LRPPRC: variants seen among roughly 807,000 people sequenced by gnomAD.
LRPPRC encodes leucine-rich PPR motif-containing protein, mitochondrial.
A neutral mutation model predicts 180.3 loss-of-function variants in LRPPRC; 120 were observed. The ratio of observed to expected loss-of-function variants is 0.67; its 90% confidence interval spans 0.57 to 0.77. The LOEUF (loss-of-function observed/expected upper bound fraction) is 0.77. LRPPRC is among the 30% of genes least tolerant of loss of function. The probability of loss-of-function intolerance (pLI) is 0.00; values close to 1 mark genes in which losing one functional copy is unlikely to be tolerated. For synonymous variants in LRPPRC, 723 were observed against 600.0 expected (o/e 1.21, Z -3.00); for missense variants, 2,012 against 1,657.2 (o/e 1.21, Z -3.72).
At chr2:43,911,313 T>C (rs1437040688) in intron 30 of LRPPRC, among the ~76,000 whole-genome samples, 1 of 151,916 alleles carries the variant, frequency 6.6e-6, no homozygotes, top group Admixed American at 6.6e-5. Flanking sequence ...AGTACAGTCA[T>C]ACAGAACATG....
intron 25 of LRPPRC, among the ~76,000 whole-genome samples, chr2:43,929,621 G>C (rs1464436420): frequency 6.6e-6 from 1 of 151,994 alleles, no homozygotes; most frequent in Non-Finnish European, 1.5e-5. Flanking sequence ...CTACATGTAA[G>C]TGGACCTACA....
In LRPPRC at chr2:43,950,582, A is replaced by G. The variant is rs1672860587; in HGVS notation, c.1668T>C (p.Leu556=). 6.2e-7 allele frequency: 1 copy of G among 1,613,648 alleles called. No individual in the cohort carries two copies. Among genetic ancestry groups the G allele is most frequent in the Admixed American group, 1.7e-5 (1 of 60,006 alleles). ...LGFRRSMNIN[L]WSEITELLYK... ...TATTAGAGGGACTTACCTCGCTCCA[A>G]AGATTTATATTCATAGACCTGCAGA... The change falls in exon 15 of 38, where the codon CTT becomes CTC. Residue 556 remains leucine, a synonymous_variant. Transcript: ENST00000260665.
intron 14 of LRPPRC, among the ~76,000 whole-genome samples, chr2:43,955,844 C>T (rs1470200043): frequency 6.6e-6 from 1 of 152,174 alleles, no homozygotes; most frequent in Non-Finnish European, 1.5e-5. Context: ...ACAGGGTAGA[C>T]ACAGTCTCAA....
intron 11 of LRPPRC, among the ~76,000 whole-genome samples, chr2:43,967,283 G>A (rs564525927): frequency 1.2e-4 from 18 of 151,530 alleles, no homozygotes; most frequent in African/African-American, 4.4e-4. Context: ...ATGAGCCTGT[G>A]GTCCCACTGA....
chr2:43,982,384 T>C lies in LRPPRC; in HGVS notation c.200A>G (p.Asp67Gly). 6.2e-7 allele frequency: 1 copy of C among 1,614,052 alleles called. No individual in the cohort carries two copies. The change falls in exon 2 of 38, where the codon GAT becomes GGT. Residue 67 changes from aspartate (D) to glycine (G), a missense_variant. Physicochemically the swap from Asp to Gly is moderately conservative, Grantham distance 94. Transcript: ENST00000260665. Reference protein sequence around the residue: ...RLYAIAAKEKDIQEESTFSSR... With the variant: ...RLYAIAAKEKGIQEESTFSSR... ...AGAAAAAGTGGACTCCTCTTGAATA[T>C]CTTTTTCTTTGGCAGCAATGGCATA...
intron 37 of LRPPRC, among the ~76,000 whole-genome samples, chr2:43,889,035 T>A (rs530205420): frequency 6.6e-6 from 1 of 152,134 alleles, no homozygotes; most frequent in African/African-American, 2.4e-5. Context: ...AAAGAAAACA[T>A]GCCGGGCACA....
chr2:43,951,019 G>A (rs1447335299), intron 14 of LRPPRC, among the ~76,000 whole-genome samples: 2 of 152,018 alleles, frequency 1.3e-5, no homozygotes, highest in East Asian at 3.8e-4. Flanking sequence ...GCAGTGAGCC[G>A]AGATCGTGCC....
At chr2:43,950,623 G>T in intron 14 of LRPPRC, 23 bp from the exon 15 acceptor site, 1 of 1,604,750 alleles carries the variant, frequency 6.2e-7, no homozygotes, top group Non-Finnish European at 8.5e-7. Flanking sequence ...GCAAAGGATC[G>T]AAAATAAACC....
intron 34 of LRPPRC, among the ~76,000 whole-genome samples, chr2:43,898,503 CG>C (rs1439706305): frequency 6.6e-6 from 1 of 152,212 alleles, no homozygotes; most frequent in Non-Finnish European, 1.5e-5. Flanking sequence ...AGGGGCTCCC[CG>C]GCGGTGCCTG....
At chr2:43,987,592 C>A (rs1674586036) in intron 1 of LRPPRC, among the ~76,000 whole-genome samples, 1 of 151,152 alleles carries the variant, frequency 6.6e-6, no homozygotes, top group South Asian at 2.1e-4. Flanking sequence ...AACTCAAAAT[C>A]TTAGACTAAT....
chr2:43,949,467 TA>T, intron 16 of LRPPRC, 134 bp downstream of exon 16: 1 of 716,184 alleles, frequency 1.4e-6, no homozygotes, highest in South Asian at 1.5e-5. Context: ...GTAATCAATA[TA>T]AAGATTTATA....
intron 23 of LRPPRC, among the ~76,000 whole-genome samples, chr2:43,939,745 T>A (rs550616717): frequency 1.1e-4 from 16 of 152,328 alleles, no homozygotes; most frequent in African/African-American, 3.6e-4. Context: ...AAATTAACTG[T>A]GTTGAAGGCT....
chr2:43,925,795 C>G, intron 26 of LRPPRC, 98 bp downstream of exon 26: 1 of 807,144 alleles, frequency 1.2e-6, no homozygotes. Flanking sequence ...TCCACAATGC[C>G]CTGTCTCTCG....
At chr2:43,991,040 T>A (rs1200278290) in intron 1 of LRPPRC, among the ~76,000 whole-genome samples, 1 of 150,874 alleles carries the variant, frequency 6.6e-6, no homozygotes, top group African/African-American at 2.4e-5. Context: ...TTATTTTTTT[T>A]TTTTTTTGAG....
rs1404705239 is a variant in LRPPRC, at chr2:43,950,575, C to T, written c.1675G>A (p.Glu559Lys). The change falls in exon 15 of 38, where the codon GAG becomes AAG. Residue 559 changes from glutamate (E) to lysine (K), a missense_variant and splice_region_variant. Transcript: ENST00000260665. ...RRSMNINLWS[E>K]ITELLYKDGR... Reference sequence around the variant, plus strand: ...TTTGCAATATTAGAGGGACTTACCTCGCTCCAAAGATTTATATTCATAGAC... The same window carrying T: ...TTTGCAATATTAGAGGGACTTACCTTGCTCCAAAGATTTATATTCATAGAC... The T allele has an allele frequency of 3.5e-5, 57 of 1,613,370 alleles. No individual in the cohort carries two copies. The highest frequency in any genetic ancestry group is 1.3e-4 in the East Asian group (6 of 44,840).
At chr2:43,954,161 T>C (rs1201140773) in intron 14 of LRPPRC, among the ~76,000 whole-genome samples, 2 of 152,168 alleles carry the variant, frequency 1.3e-5, no homozygotes, top group Non-Finnish European at 2.9e-5. Context: ...TCCTTACATT[T>C]CTCTCTCATC....
Position 43,941,638 on chromosome 2 carries a change from AAG to A in LRPPRC, c.2504+2047_2504+2048del, listed in dbSNP as rs369544952. On this transcript the variant is annotated intron_variant, in intron 23 of 37. Transcript: ENST00000260665. ...TCAGTTGGAGAAAACACAATTGAGA[AAG>A]AGTTTCAAAGTCAGGGTTTTACTCC... Among the ~76,000 whole-genome samples, 164 of 152,240 alleles carry A rather than the reference AAG, an allele frequency of 1.1e-3. 1 individual carries two copies. Among genetic ancestry groups the A allele is most frequent in the African/African-American group, 3.6e-3 (151 of 41,546 alleles).
chr2:43,985,758 T>G (rs761813261), intron 1 of LRPPRC, among the ~76,000 whole-genome samples: 34 of 152,234 alleles, frequency 2.2e-4, no homozygotes, highest in Non-Finnish European at 4.7e-4. Context: ...TTGCTTCCAA[T>G]TTTTGACAAT....
intron 25 of LRPPRC, 132 bp downstream of exon 25, chr2:43,934,058 C>T (rs2105058944): frequency 1.6e-6 from 1 of 642,024 alleles, no homozygotes. Context: ...ATCCCCCTCC[C>T]CCAACATTAC....
Sources: allele counts gnomAD v4.1 joint callset (sites outside exome capture counted in the v4.1 genomes callset), GRCh38; gene constraint gnomAD v4.1.1; transcripts MANE v1.5; gene names NCBI Gene and HGNC (gene_info 2026-07-23, HGNC 2026-07-21).